The following TECRL variants were observed in gnomAD, a reference collection of about 807,000 sequenced individuals.
TECRL encodes trans-2,3-enoyl-CoA reductase like.
TECRL carries 63 observed loss-of-function variants against 52.8 expected under a neutral mutation model. The observed-to-expected ratio is 1.19, with a 90% CI of 0.97 to 1.47. The LOEUF (loss-of-function observed/expected upper bound fraction) is 1.47. Ranked by LOEUF, TECRL falls within the 40% of genes most tolerant of loss-of-function variation. The pLI, the probability that TECRL is intolerant of heterozygous loss-of-function variation, is 0.00. For missense variants in TECRL, 482 were observed against 429.6 expected (o/e 1.12, Z -1.08); for synonymous variants, 164 against 141.9 (o/e 1.16, Z -1.10).
chr4:64,297,587 A>G (rs1324995962), intron 8 of TECRL, among the ~76,000 whole-genome samples: 1 of 151,116 alleles, frequency 6.6e-6, no homozygotes, highest in Non-Finnish European at 1.5e-5. Context: ...TAAACAGTAC[A>G]TAGTAGAATA....
At chr4:64,351,167 G>C (rs145564281) in intron 2 of TECRL, among the ~76,000 whole-genome samples, 2,495 of 150,730 alleles carry the variant, frequency 0.017, 43 homozygotes, top group Non-Finnish European at 0.029. Flanking sequence ...GGCATGAAGA[G>C]AGATTGGTTA....
At chr4:64,285,102 A>G (rs114198279) in intron 9 of TECRL, among the ~76,000 whole-genome samples, 34 of 152,230 alleles carry the variant, frequency 2.2e-4, no homozygotes, top group African/African-American at 7.9e-4. Flanking sequence ...TAATTGGAAT[A>G]TATATACTTT....
At chr4:64,360,723 C>T (rs1721122862) in intron 2 of TECRL, among the ~76,000 whole-genome samples, 1 of 152,220 alleles carries the variant, frequency 6.6e-6, no homozygotes, top group Admixed American at 6.5e-5. Flanking sequence ...AGCATTGGGA[C>T]TCATTCCTGG....
chr4:64,339,989 G>A (rs957208904), intron 2 of TECRL, among the ~76,000 whole-genome samples: 3 of 152,154 alleles, frequency 2.0e-5, no homozygotes, highest in Non-Finnish European at 4.4e-5. Context: ...GTCTCACTAT[G>A]AGCAACCGTA....
chr4:64,339,867 A>G (rs1483893526), intron 2 of TECRL, among the ~76,000 whole-genome samples: 1 of 152,192 alleles, frequency 6.6e-6, no homozygotes, highest in African/African-American at 2.4e-5. Flanking sequence ...TTTCACGATC[A>G]TAAATTCCTC....
chr4:64,379,247 TACACACAC>T (rs4034911), intron 1 of TECRL, among the ~76,000 whole-genome samples: 6,113 of 145,184 alleles, frequency 0.042, 159 homozygotes, highest in African/African-American at 0.08. Context: ...CACACACACA[TACACACAC>T]ACACACACAC....
At chr4:64,405,354 G>A (rs904739319) in intron 1 of TECRL, among the ~76,000 whole-genome samples, 4 of 152,128 alleles carry the variant, frequency 2.6e-5, no homozygotes, top group Non-Finnish European at 5.9e-5. Flanking sequence ...GCTAGAAGTA[G>A]AAGGGTTGAT....
chr4:64,300,125 A>G (rs1723929155), intron 7 of TECRL, 108 bp from the exon 8 acceptor site: 1 of 739,610 alleles, frequency 1.4e-6, no homozygotes, highest in East Asian at 3.0e-5. Context: ...TATAATCAAT[A>G]GAACTGTCTA....
At chr4:64,313,977 C>CAAAA (rs752037972) in intron 5 of TECRL, among the ~76,000 whole-genome samples, 3 of 61,956 alleles carry the variant, frequency 4.8e-5, no homozygotes, top group East Asian at 5.7e-4. Context: ...ACTAAAAATA[C>CAAAA]AAAAAAAAAA....
intron 1 of TECRL, among the ~76,000 whole-genome samples, chr4:64,395,621 C>A (rs1444154010): frequency 6.6e-6 from 1 of 152,072 alleles, no homozygotes; most frequent in Non-Finnish European, 1.5e-5. Flanking sequence ...GATTATTTCC[C>A]CAAAATACAA....
rs201582067 is a variant in TECRL, at chr4:64,356,585, A to AT, written c.286+18586dup. Among the ~76,000 whole-genome samples, 354 of 152,282 alleles carry AT rather than the reference A, an allele frequency of 2.3e-3. 3 individuals are homozygous for AT. In the East Asian group the frequency reaches 0.032, roughly 14 times the overall value. Reference sequence around the variant, plus strand: ...AGGCATAGTACCTCCCCTTGAACTTATTGTGACACAGATTCCTTTGCTCAC... The same window carrying AT: ...AGGCATAGTACCTCCCCTTGAACTTATTTGTGACACAGATTCCTTTGCTCAC... On this transcript the variant is annotated intron_variant, in intron 2 of 11. Coordinates refer to ENST00000381210, the MANE Select transcript of TECRL (RefSeq NM_001010874.5).
chr4:64,392,922 T>C (rs764359730), intron 1 of TECRL, among the ~76,000 whole-genome samples: 1 of 151,966 alleles, frequency 6.6e-6, no homozygotes, highest in African/African-American at 2.4e-5. Context: ...CTCTACATCA[T>C]GTAAATATGT....
intron 2 of TECRL, among the ~76,000 whole-genome samples, chr4:64,374,081 ATT>A (rs1368487201): frequency 2.0e-5 from 2 of 101,174 alleles, no homozygotes; most frequent in Admixed American, 1.0e-4. Flanking sequence ...ATATATATAT[ATT>A]TATCTTTTTG....
rs1720257478 is a variant in TECRL at position 64,349,834 on chromosome 4, A to G, written c.287-21278T>C. ...ATAGAAATAAGTTGACTATACATCA[A>G]AAATAATAATGGAATTTATAGGTGA... On this transcript the variant is annotated intron_variant, in intron 2 of 11. Transcript: ENST00000381210. Among the ~76,000 whole-genome samples, 2 of 152,208 alleles carry G rather than the reference A, an allele frequency of 1.3e-5. 1 individual carries two copies. Among genetic ancestry groups the G allele is most frequent in the Admixed American group, 1.3e-4 (2 of 15,282 alleles).
downstream of TECRL, chr4:64,276,692 T>TAAG (rs1480610834): frequency 5.8e-6 from 1 of 173,580 alleles, no homozygotes; most frequent in Non-Finnish European, 1.2e-5. Flanking sequence ...TTAAGTTACT[T>TAAG]AGATATGTGG....
intron 2 of TECRL, among the ~76,000 whole-genome samples, chr4:64,356,204 G>C (rs990170084): frequency 6.6e-6 from 1 of 152,168 alleles, no homozygotes. Context: ...CTGGAAAGCC[G>C]GGTATTGTCC....
intron 9 of TECRL, among the ~76,000 whole-genome samples, chr4:64,283,858 C>T (rs1698290009): frequency 6.6e-6 from 1 of 152,036 alleles, no homozygotes; most frequent in Admixed American, 6.6e-5. Context: ...TGAGCACATC[C>T]TTCCTTAAAA....
chr4:64,316,244 A>G (rs937910700), intron 4 of TECRL, among the ~76,000 whole-genome samples: 1 of 152,132 alleles, frequency 6.6e-6, no homozygotes, highest in South Asian at 2.1e-4. Context: ...TAAAAATGCT[A>G]ACACAGATCT....
chr4:64,343,991 A>G (rs1016125241), intron 2 of TECRL, among the ~76,000 whole-genome samples: 4 of 152,034 alleles, frequency 2.6e-5, no homozygotes, highest in African/African-American at 9.7e-5. Context: ...GATGAGAGGA[A>G]GGGGTCTATC....
Sources: gnomAD v4.1 joint callset for allele counts (sites outside exome capture counted in the v4.1 genomes callset) on GRCh38, gnomAD v4.1.1 for gene constraint, MANE v1.5 for transcripts, NCBI Gene and HGNC (gene_info 2026-07-23, HGNC 2026-07-21) for gene names.